Variants in IFT43 observed in about 807,000 individuals in gnomAD.
The protein encoded by IFT43 is intraflagellar transport 43.
Under a neutral mutation model 32.3 loss-of-function variants are expected in IFT43, and 33 were observed. The observed-to-expected ratio is 1.02, with a 90% CI of 0.77 to 1.37. IFT43 has a LOEUF of 1.37. Ranked by LOEUF, IFT43 falls within the 40% of genes most tolerant of loss-of-function variation. The probability of loss-of-function intolerance (pLI) is 0.00; values close to 1 mark genes in which losing one functional copy is unlikely to be tolerated. For missense variants in IFT43, 274 were observed against 265.9 expected, an observed-to-expected ratio of 1.03 and a Z score of -0.21; for synonymous variants, 93 against 98.2, an observed-to-expected ratio of 0.95 and a Z score of 0.31.
intron 3 of IFT43, among the ~76,000 whole-genome samples, chr14:76,024,859 A>C (rs1485590723): frequency 1.3e-5 from 2 of 152,214 alleles, no homozygotes; most frequent in African/African-American, 4.8e-5. Flanking sequence ...AAATATAGTT[A>C]TTCTAGGCCA....
At chr14:76,020,364 G>A (rs79704371) in intron 2 of IFT43, among the ~76,000 whole-genome samples, 1 of 151,944 alleles carries the variant, frequency 6.6e-6, no homozygotes. Flanking sequence ...TTCATGGATT[G>A]TCTTTTCATT....
chr14:76,031,911 C>T (rs529640731), intron 3 of IFT43, among the ~76,000 whole-genome samples: 11 of 152,284 alleles, frequency 7.2e-5, no homozygotes, highest in East Asian at 3.9e-4. Flanking sequence ...GTTTGACTAT[C>T]GTCTACGCAG....
intron 3 of IFT43, among the ~76,000 whole-genome samples, chr14:76,034,130 T>C (rs896470487): frequency 6.6e-6 from 1 of 152,228 alleles, no homozygotes; most frequent in African/African-American, 2.4e-5. Flanking sequence ...TTGTGCTAGA[T>C]ACTTGTCTTA....
intron 2 of IFT43, among the ~76,000 whole-genome samples, chr14:76,001,423 A>C (rs1278860033): frequency 6.6e-6 from 1 of 152,166 alleles, no homozygotes; most frequent in Non-Finnish European, 1.5e-5. Context: ...TCCCCTCGCT[A>C]TCTAGAATTC....
At chr14:76,026,018 G>A (rs2036386709) in intron 3 of IFT43, among the ~76,000 whole-genome samples, 1 of 152,106 alleles carries the variant, frequency 6.6e-6, no homozygotes, top group South Asian at 2.1e-4. Flanking sequence ...AGACAACCTA[G>A]AGAATGGGAG....
intron 5 of IFT43, among the ~76,000 whole-genome samples, chr14:76,066,643 A>G (rs2037228645): frequency 6.6e-6 from 1 of 152,230 alleles, no homozygotes. Context: ...ATGGACGTCC[A>G]TTCAGCAATG....
intron 3 of IFT43, among the ~76,000 whole-genome samples, chr14:76,057,242 A>AT (rs11458529): frequency 0.35 from 52,934 of 151,276 alleles, 9,375 homozygotes; most frequent in African/African-American, 0.4. Context: ...TTATATTATT[A>AT]TTTTTTTTGA....
At chr14:76,081,363 AC>A (rs1313868555) in intron 5 of IFT43, among the ~76,000 whole-genome samples, 1 of 151,914 alleles carries the variant, frequency 6.6e-6, no homozygotes, top group Non-Finnish European at 1.5e-5. Context: ...GGACTGTCTC[AC>A]CCCACCAGGC....
At chr14:76,079,138 GAAGA>G (rs2140093987) in intron 5 of IFT43, among the ~76,000 whole-genome samples, 1 of 152,344 alleles carries the variant, frequency 6.6e-6, no homozygotes, top group Non-Finnish European at 1.5e-5. Context: ...TCACTTTTGA[GAAGA>G]AAGCCCATGT....
intron 3 of IFT43, among the ~76,000 whole-genome samples, chr14:76,050,317 TTCATTAGA>T (rs1460258367): frequency 6.6e-6 from 1 of 152,214 alleles, no homozygotes; most frequent in African/African-American, 2.4e-5. Flanking sequence ...CTTTGGAGCC[TTCATTAGA>T]TCTCTTTGAG....
At chr14:75,993,727 C>T (rs2035687033) in intron 2 of IFT43, among the ~76,000 whole-genome samples, 3 of 152,220 alleles carry the variant, frequency 2.0e-5, no homozygotes, top group African/African-American at 7.2e-5. Flanking sequence ...GCTTCCTGCT[C>T]TGCTATCTGG....
At chr14:76,034,231 C>T (rs1275231338) in intron 3 of IFT43, among the ~76,000 whole-genome samples, 1 of 152,106 alleles carries the variant, frequency 6.6e-6, no homozygotes, top group Non-Finnish European at 1.5e-5. Context: ...AATCTGAGAT[C>T]AGGGTGCCAT....
chr14:76,083,658 C>A lies in IFT43; in HGVS notation c.*81C>A. The A allele has an allele frequency of 7.6e-7, 1 of 1,316,756 alleles. No individual in the cohort carries two copies. The highest frequency in any genetic ancestry group is 1.4e-5 in the African/African-American group (1 of 69,222). 81.6% of individuals were successfully genotyped at this position (1,316,756 alleles called of 1,614,324 possible). A position where few individuals can be genotyped will look rare whatever the true frequency, so the allele number is the denominator to read the frequency against. On this transcript the variant is annotated 3_prime_UTR_variant, in exon 9 of 9. Transcript: ENST00000314067. ...GCTTGTAAGCAGCTCCGAATTTTTA[C>A]CTGGAATATTTTGTAATAAAAATAT... is the stretch of plus-strand genomic sequence containing the variant.
chr14:76,065,080 C>G (rs763919394), intron 5 of IFT43, among the ~76,000 whole-genome samples: 5 of 152,190 alleles, frequency 3.3e-5, no homozygotes, highest in African/African-American at 1.2e-4. Context: ...CAAATTGTTG[C>G]ACCTTTAAGC....
chr14:75,986,364 C>A, intron 1 of IFT43: 1 of 1,076,776 alleles, frequency 9.3e-7, no homozygotes, highest in Non-Finnish European at 1.2e-6. Flanking sequence ...GTTAAGGAAA[C>A]CAAGACCGAT....
At chr14:76,072,977 C>T (rs1245768046) in intron 5 of IFT43, among the ~76,000 whole-genome samples, 2 of 152,132 alleles carry the variant, frequency 1.3e-5, no homozygotes, top group Non-Finnish European at 2.9e-5. Context: ...AATGAGGATG[C>T]GAGCAGGAGA....
chr14:75,985,930 G>A lies in IFT43; in HGVS notation c.54+90G>A, dbSNP rs1050035519. On this transcript the variant is annotated intron_variant, in intron 1 of 8. Transcript: ENST00000314067. ...GCCCCGACTTCTCTGAGGCGACTCAGGGCGGCAGGCCTCGCGCCGCGCCGG... is the reference window on the plus strand; with the variant it reads ...GCCCCGACTTCTCTGAGGCGACTCAAGGCGGCAGGCCTCGCGCCGCGCCGG... The A allele has an allele frequency of 4.5e-6, 7 of 1,562,000 alleles. No homozygotes were observed. In the Admixed American group the frequency reaches 7.6e-5, roughly 17 times the overall value.
chr14:76,039,172 G>C (rs900707601), intron 3 of IFT43, among the ~76,000 whole-genome samples: 1 of 149,070 alleles, frequency 6.7e-6, no homozygotes, highest in Non-Finnish European at 1.5e-5. Context: ...TCATTCTGTT[G>C]CCCAGGTTGG....
chr14:76,055,607 G>C (rs372035180), intron 3 of IFT43, among the ~76,000 whole-genome samples: 2 of 152,166 alleles, frequency 1.3e-5, no homozygotes, highest in Non-Finnish European at 2.9e-5. Flanking sequence ...GCTAGATTCT[G>C]TGTCTTTTGC....
Sources: gnomAD v4.1 joint callset for allele counts (sites outside exome capture counted in the v4.1 genomes callset) on GRCh38, gnomAD v4.1.1 for gene constraint, MANE v1.5 for transcripts, NCBI Gene and HGNC (gene_info 2026-07-23, HGNC 2026-07-21) for gene names.